PELI2: variants seen among roughly 807,000 people sequenced by gnomAD.
The protein encoded by PELI2 is E3 ubiquitin-protein ligase pellino homolog 2.
PELI2 carries 23 observed loss-of-function variants against 42.3 expected under a neutral mutation model. The observed-to-expected ratio is 0.54, with a 90% confidence interval of 0.39 to 0.77. The LOEUF is 0.77. Ranked by LOEUF, PELI2 falls within the 30% of genes least tolerant of loss-of-function variation. PELI2 has a pLI of 0.00. For missense variants in PELI2, 463 were observed against 553.2 expected (o/e 0.84, Z 1.64); for synonymous variants, 245 against 212.2 (o/e 1.15, Z -1.34).
chr14:56,296,262 G>A (rs1889997699), intron 5 of PELI2, among the ~76,000 whole-genome samples: 1 of 152,186 alleles, frequency 6.6e-6, no homozygotes, highest in South Asian at 2.1e-4. Context: ...TGGGATCAGT[G>A]AGTCATTGTG....
At chr14:56,215,776 G>T (rs944414701) in intron 2 of PELI2, among the ~76,000 whole-genome samples, 6 of 152,164 alleles carry the variant, frequency 3.9e-5, no homozygotes, top group African/African-American at 1.4e-4. Flanking sequence ...AATTATGCTT[G>T]TCAGGTCTTG....
intron 2 of PELI2, among the ~76,000 whole-genome samples, chr14:56,258,230 T>G (rs1251409644): frequency 6.6e-6 from 1 of 152,130 alleles, no homozygotes; most frequent in Non-Finnish European, 1.5e-5. Context: ...GAGATAAAAC[T>G]GTTCTAAAGT....
intron 2 of PELI2, among the ~76,000 whole-genome samples, chr14:56,227,469 A>G (rs946106549): frequency 1.3e-5 from 2 of 152,256 alleles, no homozygotes; most frequent in Non-Finnish European, 2.9e-5. Context: ...TAATTACAAA[A>G]ATGGAAAGGA....
At chr14:56,171,538 G>A (rs985720022) in intron 1 of PELI2, among the ~76,000 whole-genome samples, 1 of 152,216 alleles carries the variant, frequency 6.6e-6, no homozygotes, top group Non-Finnish European at 1.5e-5. Flanking sequence ...CAGCCAGCTT[G>A]TAGGTTTTCA....
At chr14:56,229,697 A>G (rs1887488747) in intron 2 of PELI2, among the ~76,000 whole-genome samples, 1 of 152,226 alleles carries the variant, frequency 6.6e-6, no homozygotes, top group South Asian at 2.1e-4. Flanking sequence ...TTCTCCCCCA[A>G]AGGAATGCAG....
At chr14:56,286,944 C>G (rs556227563) in intron 3 of PELI2, among the ~76,000 whole-genome samples, 225 of 152,264 alleles carry the variant, frequency 1.5e-3, no homozygotes, top group African/African-American at 5.2e-3. Context: ...ATAAAATTTC[C>G]TCTTTTTACA....
intron 2 of PELI2, among the ~76,000 whole-genome samples, chr14:56,230,211 C>A (rs373721611): frequency 6.6e-6 from 1 of 152,134 alleles, no homozygotes; most frequent in African/African-American, 2.4e-5. Context: ...CCCAACCTAG[C>A]AAGGCAGGCC....
intron 2 of PELI2, among the ~76,000 whole-genome samples, chr14:56,266,421 C>G (rs956743000): frequency 6.6e-6 from 1 of 151,572 alleles, no homozygotes; most frequent in East Asian, 1.9e-4. Context: ...ACAAGCAACC[C>G]AAAAAATATT....
At chr14:56,161,303 T>A (rs1337358060) in intron 1 of PELI2, among the ~76,000 whole-genome samples, 1 of 152,158 alleles carries the variant, frequency 6.6e-6, no homozygotes, top group African/African-American at 2.4e-5. Context: ...CATCTGTTTT[T>A]TTTTTTTTGG....
chr14:56,241,152 T>C (rs1373219802), intron 2 of PELI2, among the ~76,000 whole-genome samples: 1 of 151,978 alleles, frequency 6.6e-6, no homozygotes, highest in African/African-American at 2.4e-5. Flanking sequence ...ACCTTACAGA[T>C]AGCAAAGGGT....
chr14:56,167,381 C>G (rs946848633), intron 1 of PELI2, among the ~76,000 whole-genome samples: 1 of 151,786 alleles, frequency 6.6e-6, no homozygotes. Flanking sequence ...TTTCTTTTGT[C>G]TCCTCTGTAT....
At chr14:56,221,079 T>C (rs1043502218) in intron 2 of PELI2, among the ~76,000 whole-genome samples, 1 of 152,168 alleles carries the variant, frequency 6.6e-6, no homozygotes, top group African/African-American at 2.4e-5. Flanking sequence ...CCTGCAAAAC[T>C]GGCCATGCTT....
intron 1 of PELI2, among the ~76,000 whole-genome samples, chr14:56,159,344 T>G (rs1566612085): frequency 6.6e-6 from 1 of 152,224 alleles, no homozygotes; most frequent in Non-Finnish European, 1.5e-5. Context: ...GACATGTTCT[T>G]CCTGTGGCCA....
chr14:56,296,677 A>G lies in PELI2; in HGVS notation c.774A>G (p.Ala258=). ...LCGATLLWRT[A]DGLFHTPTQK... is the part of the protein sequence containing the mutation. Reference sequence around the variant, plus strand: ...GGGCCACTCTCCTCTGGAGAACAGCAGATGGGCTTTTTCATACTCCAACTC... The same window carrying G: ...GGGCCACTCTCCTCTGGAGAACAGCGGATGGGCTTTTTCATACTCCAACTC... Residue 258 remains alanine, a synonymous_variant, in exon 6 of 6, where the codon GCA becomes GCG. Transcript: ENST00000267460. 1.2e-6 allele frequency: 2 copies of G among 1,614,178 alleles called. No homozygotes were observed. Among genetic ancestry groups the G allele is most frequent in the South Asian group, 2.2e-5 (2 of 91,082 alleles).
chr14:56,288,783 C>T lies in PELI2; in HGVS notation c.507+149C>T. 3.3e-6 allele frequency: 2 copies of T among 612,370 alleles called. No individual in the cohort carries two copies. Among genetic ancestry groups the T allele is most frequent in the East Asian group, 2.8e-5 (1 of 36,222 alleles). The allele number at this position is 612,370 out of a possible 1,614,324, so 37.9% of individuals were successfully genotyped here. ...GTTTTCAGGTGGCCAGTTTGAGAAA[C>T]TTGTTATTAAAAATCTGAACATTAA... On this transcript the variant is annotated intron_variant, in intron 4 of 5. Transcript: ENST00000267460. The surrounding 1 kb of genome is among the most constrained non-coding windows in gnomAD (Gnocchi z 4.6).
intron 2 of PELI2, among the ~76,000 whole-genome samples, chr14:56,234,807 T>G (rs1300545151): frequency 6.6e-6 from 1 of 151,994 alleles, no homozygotes; most frequent in Admixed American, 6.5e-5. Context: ...TTTGCGCTAA[T>G]CTGTAGGAAA....
intron 1 of PELI2, among the ~76,000 whole-genome samples, chr14:56,132,487 A>ATAGC (rs1181909415): frequency 2.0e-5 from 3 of 152,138 alleles, no homozygotes; most frequent in Non-Finnish European, 2.9e-5. Flanking sequence ...CGTGGGGTGG[A>ATAGC]TAGCTGTGTA....
chr14:56,232,519 T>C (rs1405132826), intron 2 of PELI2, among the ~76,000 whole-genome samples: 2 of 152,118 alleles, frequency 1.3e-5, no homozygotes, highest in East Asian at 3.9e-4. Flanking sequence ...CACATGATTA[T>C]CTCAATAGAT....
intron 1 of PELI2, among the ~76,000 whole-genome samples, chr14:56,134,718 T>G (rs1433185649): frequency 6.6e-6 from 1 of 152,176 alleles, no homozygotes; most frequent in Non-Finnish European, 1.5e-5. Context: ...TCAGTTTATT[T>G]TTTTCTCTCT....
Sources: gnomAD v4.1 joint callset for allele counts (sites outside exome capture counted in the v4.1 genomes callset) on GRCh38, gnomAD v4.1.1 for gene constraint, Gnocchi (gnomAD v3.1) non-coding constraint, MANE v1.5 for transcripts, NCBI Gene and HGNC (gene_info 2026-07-23, HGNC 2026-07-21) for gene names.